The following TARS1 variants were observed in gnomAD, a reference collection of about 807,000 sequenced individuals.
TARS1 encodes threonine--tRNA ligase 1, cytoplasmic.
TARS1 carries 57 observed loss-of-function variants against 97.7 expected under a neutral mutation model. The ratio of observed to expected loss-of-function variants is 0.58; its 90% CI spans 0.47 to 0.73. The LOEUF is 0.73. Ranked by LOEUF, TARS1 falls within the 30% of genes least tolerant of loss-of-function variation. The probability of loss-of-function intolerance (pLI) is 0.00; values close to 1 mark genes in which losing one functional copy is unlikely to be tolerated. For missense variants in TARS1, 806 were observed against 888.3 expected (o/e 0.91, Z 1.18); for synonymous variants, 312 against 293.7 (o/e 1.06, Z -0.64).
chr5:33,443,247 A>G (rs1485872946), intron 1 of TARS1, among the ~76,000 whole-genome samples: 1 of 148,686 alleles, frequency 6.7e-6, no homozygotes, highest in African/African-American at 2.5e-5. Flanking sequence ...TCTTTGAGCC[A>G]GTGTTCTTGT....
At chr5:33,454,076 T>C (rs1741893016) in intron 4 of TARS1, among the ~76,000 whole-genome samples, 3 of 152,216 alleles carry the variant, frequency 2.0e-5, no homozygotes, top group Admixed American at 2.0e-4. Flanking sequence ...ATTTGAACCT[T>C]ACTTCAAAGC....
intron 16 of TARS1, among the ~76,000 whole-genome samples, chr5:33,463,139 A>G (rs905749588): frequency 6.6e-6 from 1 of 152,234 alleles, no homozygotes; most frequent in African/African-American, 2.4e-5. Context: ...ATACAACAGA[A>G]CAACTGAAAA....
Position 33,467,901 on chromosome 5 carries a change from A to G in TARS1, c.*193A>G, listed in dbSNP as rs1027251109. 22 of 501,672 alleles carry G rather than the reference A, an allele frequency of 4.4e-5. No homozygotes were observed. The highest frequency in any genetic ancestry group is 1.6e-4 in the Admixed American group (4 of 25,156). The allele number at this position is 501,672 out of a possible 1,614,324, so 31.1% of individuals were successfully genotyped here. On this transcript the variant is annotated 3_prime_UTR_variant, in exon 19 of 19. Coordinates refer to ENST00000265112, the MANE Select transcript of TARS1 (RefSeq NM_152295.5). The stretch of plus-strand genomic sequence containing the variant: ...CAATGTGCATTTGAAGGAGTTAATT[A>G]AAAGAGAGCCAATAAAATGATTTTA...
chr5:33,446,840 G>A (rs938165112), intron 2 of TARS1: 5 of 919,060 alleles, frequency 5.4e-6, no homozygotes, highest in Non-Finnish European at 7.3e-6. Context: ...TTCAGATTAT[G>A]GTTGTAGAAT....
rs1450482507 is a variant in TARS1, at chr5:33,461,002, G to A, written c.1351G>A (p.Gly451Arg). 1.2e-6 allele frequency: 2 copies of A among 1,614,012 alleles called. No individual in the cohort carries two copies. The highest frequency in any genetic ancestry group is 1.7e-5 in the Admixed American group (1 of 59,982). The change falls in exon 12 of 19, where the codon GGA (glycine) becomes AGA (arginine). Residue 451 changes from glycine to arginine, a missense_variant. By Grantham distance (125) the Gly-to-Arg change is moderately radical. This residue lies in a region of TARS1 where 446 missense variants were observed against 511.0 expected (regional missense o/e 0.87). Transcript: ENST00000265112. ...GAACGAGCTGTCTGGAGCACTCACAGGACTCACCCGGGTACGAAGATTCCA... is the reference window on the plus strand; with the variant it reads ...GAACGAGCTGTCTGGAGCACTCACAAGACTCACCCGGGTACGAAGATTCCA... Reference protein sequence around the residue: ...HRNELSGALTGLTRVRRFQQD... With the variant: ...HRNELSGALTRLTRVRRFQQD...
At chr5:33,446,288 C>A in intron 2 of TARS1, 1 of 271,044 alleles carries the variant, frequency 3.7e-6, no homozygotes, top group African/African-American at 2.2e-5. Context: ...TATCTTACGG[C>A]TGATCAGTTG....
At chr5:33,462,572 G>A (rs1471682375) in intron 16 of TARS1, among the ~76,000 whole-genome samples, 1 of 152,162 alleles carries the variant, frequency 6.6e-6, no homozygotes, top group Non-Finnish European at 1.5e-5. Context: ...GGAGGCTTAT[G>A]GCTTTCTTCG....
Position 33,462,024 on chromosome 5 carries a change from GCT to G in TARS1, c.1730+21_1730+22del. On this transcript the variant is annotated intron_variant, in intron 15 of 18. Transcript: ENST00000265112. ...TATGTAAGGTGAGTTTCTGGTGTCT[GCT>G]CTGAATATTCTCCAGGGATATATAA... is the stretch of plus-strand genomic sequence containing the variant. The G allele has an allele frequency of 4.3e-6, 7 of 1,610,998 alleles. No individual in the cohort carries two copies. Among genetic ancestry groups the G allele is most frequent in the Non-Finnish European group, 5.9e-6 (7 of 1,177,618 alleles).
intron 3 of TARS1, chr5:33,452,531 C>A: frequency 2.2e-6 from 2 of 917,762 alleles, no homozygotes; most frequent in South Asian, 1.5e-5. Context: ...ACTCTGTGTG[C>A]TCTGATATTT....
At position 33,457,188 on chromosome 5, in the gene TARS1, A is replaced by G. The variant is rs1186503166; in HGVS notation, c.838-69A>G. 30 of 1,564,546 alleles carry G rather than the reference A, an allele frequency of 1.9e-5. No individual in the cohort carries two copies. In the East Asian group the frequency reaches 4.7e-4, roughly 25 times the overall value. ...ACTACTCTAACAAGGCCTCAAAGCAATTGGGAGTTAAAATAAGTGAGATGT... is the reference window on the plus strand; with the variant it reads ...ACTACTCTAACAAGGCCTCAAAGCAGTTGGGAGTTAAAATAAGTGAGATGT... On this transcript the variant is annotated intron_variant, in intron 8 of 18. Transcript: ENST00000265112.
At chr5:33,446,309 C>T (rs919391159) in intron 2 of TARS1, 4 of 304,488 alleles carry the variant, frequency 1.3e-5, no homozygotes, top group African/African-American at 2.2e-5. Context: ...ATCAGTCTCC[C>T]GACCATTATA....
At chr5:33,465,089 A>G (rs1225251217) in intron 17 of TARS1, among the ~76,000 whole-genome samples, 1 of 152,090 alleles carries the variant, frequency 6.6e-6, no homozygotes, top group African/African-American at 2.4e-5. Context: ...AATAAAAACA[A>G]ATAAATAAAT....
chr5:33,452,312 T>C, intron 3 of TARS1: 1 of 1,490,210 alleles, frequency 6.7e-7, no homozygotes, highest in Non-Finnish European at 9.0e-7. Flanking sequence ...AGATGTATAA[T>C]CTGGCTCACC....
Position 33,459,702 on chromosome 5 carries a change from A to G in TARS1, c.1091A>G (p.Tyr364Cys), listed in dbSNP as rs758329123. Residue 364 changes from tyrosine (Y) to cysteine (C), a missense_variant, in exon 11 of 19, where the codon TAT becomes TGT. By Grantham distance (194) the Tyr-to-Cys change is radical. Around this residue, in one of 3 missense-constraint regions of TARS1, gnomAD observed 446 missense variants for 511.0 expected, o/e 0.87. Transcript: ENST00000265112. ...CTGTTTATTTTCTATCAGAGCGAATATAGGAAAAGAGGATTCCAGGAGGTA... is the reference window on the plus strand; with the variant it reads ...CTGTTTATTTTCTATCAGAGCGAATGTAGGAAAAGAGGATTCCAGGAGGTA... ...NALIEFIRSEYRKRGFQEVVT... is the reference protein window; with the variant it reads ...NALIEFIRSECRKRGFQEVVT... 4 of 1,613,984 alleles carry G rather than the reference A, an allele frequency of 2.5e-6. No individual in the cohort carries two copies. The highest frequency in any genetic ancestry group is 3.4e-6 in the Non-Finnish European group (4 of 1,179,988).
chr5:33,453,140 T>G, intron 3 of TARS1, 149 bp from the exon 4 acceptor site: 2 of 1,086,854 alleles, frequency 1.8e-6, no homozygotes, highest in Non-Finnish European at 2.4e-6. Context: ...TGGAATTTGT[T>G]GTTTTTATCA....
chr5:33,459,652 AG>A, intron 10 of TARS1, 42 bp from the exon 11 acceptor site: 1 of 1,606,164 alleles, frequency 6.2e-7, no homozygotes, highest in Non-Finnish European at 8.5e-7. Flanking sequence ...TTGAAGTATG[AG>A]CATTTATTTG....
At chr5:33,449,792 T>C (rs1741638564) in intron 3 of TARS1, among the ~76,000 whole-genome samples, 1 of 151,916 alleles carries the variant, frequency 6.6e-6, no homozygotes, top group Non-Finnish European at 1.5e-5. Flanking sequence ...TTGGAAAAAA[T>C]AAAACAACTA....
At position 33,451,395 on chromosome 5, in the gene TARS1, G is replaced by A. The variant is rs1445674182; in HGVS notation, c.330-1894G>A. ...AATCTTTTTTTTTTTTTTTTGAGAC[G>A]GAGGAGTCTCGCTCTGTCGCCCAGG... On this transcript the variant is annotated intron_variant, in intron 3 of 18. Transcript: ENST00000265112. 1.0e-4 allele frequency among the ~76,000 whole-genome samples: 15 copies of A among 146,714 alleles called. No homozygotes were observed. In the South Asian group the frequency reaches 1.1e-3, roughly 11 times the overall value.
intron 3 of TARS1, among the ~76,000 whole-genome samples, chr5:33,452,162 C>T (rs77756346): frequency 6.6e-6 from 1 of 152,158 alleles, no homozygotes; most frequent in Non-Finnish European, 1.5e-5. Context: ...GCCTGGCTAG[C>T]TTAAAGCCTT....
Sources: gnomAD v4.1 joint callset for allele counts (sites outside exome capture counted in the v4.1 genomes callset) on GRCh38, gnomAD v4.1.1 for gene constraint, gnomAD v4.1.1 regional missense constraint, MANE v1.5 for transcripts, NCBI Gene and HGNC (gene_info 2026-07-23, HGNC 2026-07-21) for gene names.